OCRL: variants seen among roughly 807,000 people sequenced by gnomAD.
OCRL encodes OCRL inositol polyphosphate-5-phosphatase.
In OCRL, 8 loss-of-function variants were observed where a neutral mutation model predicts 78.9. The ratio of observed to expected loss-of-function variants is 0.10; its 90% confidence interval spans 0.06 to 0.18. The LOEUF (loss-of-function observed/expected upper bound fraction) is 0.18, where lower values mean the gene tolerates loss of function less well. OCRL is among the 10% of genes least tolerant of loss of function. The pLI, the probability that OCRL is intolerant of heterozygous loss-of-function variation, is 1.00. For missense variants in OCRL, 454 were observed against 696.7 expected (o/e 0.65, Z 3.92); for synonymous variants, 240 against 235.4 (o/e 1.02, Z -0.18).
At chrX:129,589,472 G>A (rs1936559795) in intron 22 of OCRL, 1 of 286,310 alleles carries the variant, frequency 3.5e-6, no homozygotes, top group Non-Finnish European at 6.3e-6. Context: ...AAGTGACATT[G>A]TAAAGAAAAC....
chrX:129,540,956 C>T, intron 2 of OCRL, 133 bp downstream of exon 2: 1 of 545,799 alleles, frequency 1.8e-6, no homozygotes, highest in Non-Finnish European at 3.3e-6. Flanking sequence ...TGTGAAGTGC[C>T]AGTGCTCTCT....
chrX:129,573,726 T>A (rs1330095421), intron 15 of OCRL, among the ~76,000 whole-genome samples: 1 of 110,689 alleles, frequency 9.0e-6, no homozygotes, highest in Non-Finnish European at 1.9e-5. Context: ...GGCTAATTTT[T>A]TTTTTGTACT....
At chrX:129,580,326 G>A (rs944210609) in intron 18 of OCRL, among the ~76,000 whole-genome samples, 14 of 112,048 alleles carry the variant, frequency 1.2e-4, no homozygotes, top group Non-Finnish European at 2.4e-4. Context: ...AAAAGACCAT[G>A]TATGAAAAAC....
intron 4 of OCRL, chrX:129,549,563 G>A (rs1408119584): frequency 9.0e-6 from 1 of 110,548 alleles, no homozygotes; most frequent in African/African-American, 3.3e-5. Context: ...AAGTCTTAAA[G>A]GCTGTGCCTG....
At chrX:129,581,853 CTCTCTCTCTCTCTG>C (rs1374590944) in intron 18 of OCRL, among the ~76,000 whole-genome samples, 1 of 98,510 alleles carries the variant, frequency 1.0e-5, no homozygotes, top group African/African-American at 3.8e-5. Context: ...CTCTCTCTCT[CTCTCTCTCTCTCTG>C]TCTCTGTCTC....
At chrX:129,590,032 G>T (rs1439480136) in intron 23 of OCRL, 76 bp downstream of exon 23, 27 of 1,129,415 alleles carry the variant, frequency 2.4e-5, no homozygotes, top group Non-Finnish European at 3.3e-5. Flanking sequence ...ATACCTTACT[G>T]CATATGCAGG....
At chrX:129,555,736 T>C (rs921778869) in intron 4 of OCRL, among the ~76,000 whole-genome samples, 8 of 112,340 alleles carry the variant, frequency 7.1e-5, no homozygotes, top group African/African-American at 2.6e-4. Context: ...TTCTGGCCCA[T>C]TAAATAGGTC....
At chrX:129,572,256 AT>A (rs370621393) in intron 15 of OCRL, among the ~76,000 whole-genome samples, 41 of 106,766 alleles carry the variant, frequency 3.8e-4, no homozygotes, top group Admixed American at 7.0e-4. Flanking sequence ...CTGCAACTTG[AT>A]TTTTTTTTTT....
chrX:129,576,773 T>C (rs906778997), intron 18 of OCRL, among the ~76,000 whole-genome samples: 1 of 111,916 alleles, frequency 8.9e-6, no homozygotes, highest in South Asian at 3.7e-4. Flanking sequence ...CAATACATAA[T>C]ACTAAGCTCA....
intron 4 of OCRL, among the ~76,000 whole-genome samples, chrX:129,554,164 A>G (rs184041904): frequency 3.3e-4 from 36 of 109,614 alleles, no homozygotes; most frequent in Admixed American, 7.9e-4. Context: ...AAAAAAAAAA[A>G]CAGTTACAAT....
In OCRL at chrX:129,591,514, A is replaced by G. The variant is rs936958955; in HGVS notation, c.*1244A>G. ...GCCTTTTTTTAAAATAAATTAATCT[A>G]TATTGGTTGACAAACAAGCCACCAA... On this transcript the variant is annotated 3_prime_UTR_variant, in exon 24 of 24. Coordinates refer to ENST00000371113, the MANE Select transcript of OCRL (RefSeq NM_000276.4). The G allele has an allele frequency of 3.6e-5, 4 of 112,088 alleles. No homozygotes were observed. The highest frequency in any genetic ancestry group is 6.5e-5 in the African/African-American group (2 of 30,700). 9.2% of individuals were successfully genotyped at this position (112,088 alleles called of 1,213,427 possible). A position where few individuals can be genotyped will look rare whatever the true frequency, so the allele number is the denominator to read the frequency against.
Position 129,576,541 on chromosome X carries a change from C to T in OCRL, c.2104C>T (p.Leu702Phe). Residue 702 changes from leucine to phenylalanine, a missense_variant, in exon 18 of 24, where the codon CTC becomes TTC. By Grantham distance (22) the Leu-to-Phe change is conservative. Transcript: ENST00000371113. Reference protein sequence around the residue: ...RPIREVPVTKLIDLEEDSFLE... With the variant: ...RPIREVPVTKFIDLEEDSFLE... ...AATCCGAGAAGTTCCTGTTACCAAA[C>T]TCATAGACTTGGTAAGAACTGTCCC... is the stretch of plus-strand genomic sequence containing the variant. 8.4e-7 allele frequency: 1 copy of T among 1,186,616 alleles called. No individual in the cohort carries two copies. Among genetic ancestry groups the T allele is most frequent in the Non-Finnish European group, 1.1e-6 (1 of 872,679 alleles).
intron 3 of OCRL, among the ~76,000 whole-genome samples, chrX:129,546,380 A>G (rs1173236624): frequency 1.8e-5 from 2 of 112,513 alleles, no homozygotes; most frequent in African/African-American, 3.2e-5. Flanking sequence ...CACTAGTATC[A>G]ATAGTAATAT....
chrX:129,557,760 C>T, intron 5 of OCRL, 101 bp from the exon 6 acceptor site: 1 of 624,737 alleles, frequency 1.6e-6, no homozygotes, highest in Non-Finnish European at 2.8e-6. Context: ...ATGGTGCTGG[C>T]CCCTGCATAT....
chrX:129,565,409 C>T (rs986762988), intron 12 of OCRL, among the ~76,000 whole-genome samples: 5 of 112,075 alleles, frequency 4.5e-5, no homozygotes, highest in Non-Finnish European at 7.5e-5. Context: ...AGGCAGAAAA[C>T]GTTCAGATTC....
chrX:129,573,759 C>T (rs1382344434), intron 15 of OCRL, among the ~76,000 whole-genome samples: 2 of 110,902 alleles, frequency 1.8e-5, no homozygotes, highest in Non-Finnish European at 3.8e-5. Context: ...AGAGTTTCAC[C>T]GTGTTGGCTG....
chrX:129,560,709 T>A, intron 9 of OCRL, 58 bp downstream of exon 9: 9 of 833,088 alleles, frequency 1.1e-5, no homozygotes, highest in Non-Finnish European at 1.3e-5. Flanking sequence ...ATTTACATGA[T>A]GTTTTGCCTT....
At chrX:129,540,619 G>T in intron 1 of OCRL, 125 bp from the exon 2 acceptor site, 1 of 629,842 alleles carries the variant, frequency 1.6e-6, no homozygotes, top group Non-Finnish European at 2.4e-6. Flanking sequence ...CGCGGGAGAC[G>T]AAGCAGGGCG....
chrX:129,581,476 A>ATGC (rs1181732934), intron 18 of OCRL, among the ~76,000 whole-genome samples: 1 of 110,802 alleles, frequency 9.0e-6, no homozygotes, highest in African/African-American at 3.3e-5. Context: ...AGGTTAAGTG[A>ATGC]TGCTTCTGTT....
Sources: allele counts gnomAD v4.1 joint callset (sites outside exome capture counted in the v4.1 genomes callset), GRCh38; gene constraint gnomAD v4.1.1; transcripts MANE v1.5; gene names NCBI Gene and HGNC (gene_info 2026-07-23, HGNC 2026-07-21).